The following COL4A4 variants were observed in gnomAD, a reference collection of about 807,000 sequenced individuals.
The protein encoded by COL4A4 is collagen type IV alpha 4 chain, also known as collagen alpha-4(IV) chain.
In COL4A4, 105 loss-of-function variants were observed where a neutral mutation model predicts 192.9. The ratio of observed to expected loss-of-function variants is 0.54; its 90% confidence interval spans 0.46 to 0.64. COL4A4 has a LOEUF of 0.64. Ranked by LOEUF, COL4A4 falls within the 30% of genes least tolerant of loss-of-function variation. The pLI, the probability that COL4A4 is intolerant of heterozygous loss-of-function variation, is 0.00. For missense variants in COL4A4, 1,967 were observed against 2,169.3 expected, an observed-to-expected ratio of 0.91 and a Z score of 1.85; for synonymous variants, 762 against 769.9, an observed-to-expected ratio of 0.99 and a Z score of 0.17.
intron 34 of COL4A4, among the ~76,000 whole-genome samples, chr2:227,049,095 C>A (rs370632003): frequency 1.3e-5 from 2 of 152,104 alleles, no homozygotes; most frequent in East Asian, 1.9e-4. Context: ...CAGCTAGTTA[C>A]GCTAAGGCTA....
At chr2:227,081,529 G>C (rs1344282289) in intron 23 of COL4A4, among the ~76,000 whole-genome samples, 1 of 152,156 alleles carries the variant, frequency 6.6e-6, no homozygotes, top group Non-Finnish European at 1.5e-5. Context: ...AAGTAGGAAA[G>C]CCACTACTTT....
chr2:226,970,562 C>T, the COL4A4 span, among the ~76,000 whole-genome samples: 1 of 152,154 alleles, frequency 6.6e-6, no homozygotes, highest in South Asian at 2.1e-4. Flanking sequence ...GGTAGAGGTC[C>T]ATTTCTCTTC....
the COL4A4 span, among the ~76,000 whole-genome samples, chr2:226,976,203 T>C: frequency 1.3e-4 from 20 of 149,814 alleles, no homozygotes; most frequent in African/African-American, 2.0e-4. Context: ...TCTGGGGCAG[T>C]CCAGGTGTGG....
In COL4A4 at chr2:227,007,366, G is replaced by A; in HGVS notation, c.5032C>T (p.Gln1678Ter). 1 of 1,614,234 alleles carries A rather than the reference G, an allele frequency of 6.2e-7. No homozygotes were observed. Among genetic ancestry groups the A allele is most frequent in the Non-Finnish European group, 8.5e-7 (1 of 1,180,034 alleles). ...DTLKESQAQR[Q>*]KISRCQVCVK... ...CAGACCTGGCACCGGCTGATTTTCT[G>A]GCGTTGGGCCTGGCTTTCTTTTAAG... Residue 1678 changes from glutamine (Q) to a stop codon, truncating the protein, a stop_gained, in exon 48 of 48, where the codon CAG becomes TAG. Transcript: ENST00000396625. LOFTEE classifies it high-confidence loss of function.
chr2:227,056,586 AG>A (rs1433823063), intron 29 of COL4A4, among the ~76,000 whole-genome samples: 7 of 152,252 alleles, frequency 4.6e-5, no homozygotes, highest in African/African-American at 1.7e-4. Flanking sequence ...TTTGGATAAA[AG>A]CAATGGGATT....
chr2:227,088,054 G>A (rs775704647), intron 22 of COL4A4, among the ~76,000 whole-genome samples: 4 of 152,218 alleles, frequency 2.6e-5, no homozygotes, highest in Admixed American at 6.5e-5. Context: ...CCCAGCACCT[G>A]AAACAAGGCC....
At chr2:226,967,655 TA>T in the COL4A4 span, among the ~76,000 whole-genome samples, 1 of 152,042 alleles carries the variant, frequency 6.6e-6, no homozygotes, top group Admixed American at 6.6e-5. Context: ...GTCATTGTTG[TA>T]GTAATTTTTC....
At chr2:227,095,834 G>T (rs1317860306) in intron 19 of COL4A4, among the ~76,000 whole-genome samples, 1 of 152,208 alleles carries the variant, frequency 6.6e-6, no homozygotes, top group Non-Finnish European at 1.5e-5. Context: ...GGCGGAGGTT[G>T]CAGTGAGCCA....
rs533602128 is a variant in COL4A4 at position 227,056,091 on chromosome 2, G to A, written c.2570C>T (p.Pro857Leu). 58 of 1,614,018 alleles carry A rather than the reference G, an allele frequency of 3.6e-5. No homozygotes were observed. The Admixed American group carries it at 5.3e-4, about 15-fold the overall frequency. ...TGGCCCGGGAGGCCCCACATCTCCC[G>A]GCTGTCCTTTCCCACCTGGAGCACC... ...SPGAPGGKGQ[P>L]GDVGPPGPAG... Residue 857 changes from proline (P) to leucine (L), a missense_variant, in exon 30 of 48, where the codon CCG becomes CTG. Pro to Leu is a moderately conservative substitution (Grantham distance 98). Coordinates refer to ENST00000396625, the MANE Select transcript of COL4A4 (RefSeq NM_000092.5).
downstream of COL4A4, among the ~76,000 whole-genome samples, chr2:227,001,200 T>C (rs1222546824): frequency 6.6e-6 from 1 of 152,048 alleles, no homozygotes; most frequent in African/African-American, 2.4e-5. Flanking sequence ...GTTGATGCCA[T>C]TCTCCTGCCT....
At chr2:226,995,110 G>A in the COL4A4 span, among the ~76,000 whole-genome samples, 1 of 151,696 alleles carries the variant, frequency 6.6e-6, no homozygotes, top group Non-Finnish European at 1.5e-5. Flanking sequence ...AAAAAAAAAA[G>A]ACAATAAGCC....
the COL4A4 span, among the ~76,000 whole-genome samples, chr2:226,976,271 A>C: frequency 6.9e-6 from 1 of 145,598 alleles, no homozygotes; most frequent in Non-Finnish European, 1.5e-5. Context: ...CTCTGGTCAT[A>C]CTAGATCTTG....
intron 45 of COL4A4, among the ~76,000 whole-genome samples, chr2:227,011,147 G>A (rs1051088756): frequency 6.6e-6 from 1 of 152,180 alleles, no homozygotes; most frequent in Admixed American, 6.5e-5. Context: ...TGTATCCTTC[G>A]GCACCTCTAA....
chr2:227,152,399 T>C lies in COL4A4; in HGVS notation c.-101-4815A>G, dbSNP rs188501699. ...AAGTTGCTTGCATAACTCCTGAGAA[T>C]CTTTTTGTCTCCCAAGGGTCCATGT... On this transcript the variant is annotated intron_variant, in intron 1 of 47. Coordinates refer to ENST00000396625, the MANE Select transcript of COL4A4 (RefSeq NM_000092.5). Among the ~76,000 whole-genome samples, 464 of 152,342 alleles carry C rather than the reference T, an allele frequency of 3.0e-3. 1 individual carries two copies. Among genetic ancestry groups the C allele is most frequent in the Middle Eastern group, 0.02 (6 of 294 alleles).
At chr2:227,034,403 G>A (rs770751691) in intron 37 of COL4A4, among the ~76,000 whole-genome samples, 42 of 152,056 alleles carry the variant, frequency 2.8e-4, no homozygotes, top group Non-Finnish European at 1.9e-4. Context: ...CATCTCCAGG[G>A]CACTGAGCCA....
chr2:227,074,203 G>GA (rs199861859), intron 25 of COL4A4, among the ~76,000 whole-genome samples: 2,310 of 151,672 alleles, frequency 0.015, 25 homozygotes, highest in South Asian at 0.058. Context: ...AAAACACCAA[G>GA]AAAAAAACAA....
the COL4A4 span, among the ~76,000 whole-genome samples, chr2:226,972,690 A>G: frequency 5.0e-3 from 769 of 152,320 alleles, 5 homozygotes; most frequent in African/African-American, 0.018. Context: ...CTAGACACCT[A>G]TGATAGTGAC....
Position 227,012,282 on chromosome 2 carries a change from G to A in COL4A4, c.4232C>T (p.Pro1411Leu). 2 of 1,614,014 alleles carry A rather than the reference G, an allele frequency of 1.2e-6. No homozygotes were observed. The highest frequency in any genetic ancestry group is 1.1e-5 in the South Asian group (1 of 91,072). The change falls in exon 45 of 48, where the codon CCT (proline) becomes CTT (leucine). Residue 1411 changes from proline (P) to leucine (L), a missense_variant. By Grantham distance (98) the Pro-to-Leu change is moderately conservative (BLOSUM62 -3). Coordinates refer to ENST00000396625, the MANE Select transcript of COL4A4 (RefSeq NM_000092.5). Reference sequence around the variant, plus strand: ...CACACCCCTCCTGCCATCCAGCCCAGGCTCTCCTTTGCACCCTGCACAAAA... The same window carrying A: ...CACACCCCTCCTGCCATCCAGCCCAAGCTCTCCTTTGCACCCTGCACAAAA... ...GPSGPGCKGE[P>L]GLDGRRGVDG...
chr2:227,162,459 A>C (rs1459351811), intron 1 of COL4A4, among the ~76,000 whole-genome samples: 1 of 152,210 alleles, frequency 6.6e-6, no homozygotes, highest in Non-Finnish European at 1.5e-5. Context: ...ACTCTTGGAC[A>C]CTGTCACCTC....
Sources: gnomAD v4.1 joint callset for allele counts (sites outside exome capture counted in the v4.1 genomes callset) on GRCh38, gnomAD v4.1.1 for gene constraint, MANE v1.5 for transcripts, NCBI Gene and HGNC (gene_info 2026-07-23, HGNC 2026-07-21) for gene names.